RPL8: variants seen among roughly 807,000 people sequenced by gnomAD.
RPL8 encodes large ribosomal subunit protein uL2.
For synonymous variants in RPL8, 182 were observed against 143.2 expected (o/e 1.27, Z -1.94); for missense variants, 248 against 365.9 (o/e 0.68, Z 2.63).
At chr8:144,790,255 G>A in intron 4 of RPL8, 100 bp downstream of exon 4, 1 of 1,002,292 alleles carries the variant, frequency 1.0e-6, no homozygotes, top group South Asian at 1.4e-5. Context: ...TCCCACCGTA[G>A]ATCCCCCTCC....
intron 1 of RPL8, 38 bp downstream of exon 1, chr8:144,791,954 G>C: frequency 1.2e-6 from 2 of 1,609,974 alleles, no homozygotes; most frequent in Non-Finnish European, 1.7e-6. Context: ...TTCCGGCCGG[G>C]CGTCCCTTCC....
rs1393748725 is a variant in RPL8, at chr8:144,789,787, T to C, written c.*17A>G. On this transcript the variant is annotated 3_prime_UTR_variant, in exon 5 of 5. Transcript: ENST00000528957. ...AGCCAGGTGGCATAAACACAAACTT[T>C]ATTGAGGCCCTCAGCACTAGTTCTC... is the stretch of plus-strand genomic sequence containing the variant. The C allele has an allele frequency of 6.2e-7, 1 of 1,613,410 alleles. No individual in the cohort carries two copies. The highest frequency in any genetic ancestry group is 8.5e-7 in the Non-Finnish European group (1 of 1,179,798).
Position 144,789,980 on chromosome 8 carries a change from T to C in RPL8, c.616-18A>G. On this transcript the variant is annotated intron_variant, in intron 4 of 4. Transcript: ENST00000528957. The stretch of plus-strand genomic sequence containing the variant: ...TCCACAGGCTGCAGGCAGAGAAAGA[T>C]GGCTTTAGAAACCTCTTCCCCACCA... The C allele has an allele frequency of 4.4e-6, 7 of 1,596,534 alleles. No homozygotes were observed. The highest frequency in any genetic ancestry group is 5.1e-6 in the Non-Finnish European group (6 of 1,171,508).
Position 144,790,778 on chromosome 8 carries a change from T to C in RPL8, c.500-308A>G, listed in dbSNP as rs922571227. ...GGCCACTCAACCTGACGTAAGACAC[T>C]TGATTCAGCCTGCCCCATCTCAGCT... On this transcript the variant is annotated intron_variant, in intron 3 of 4. Coordinates refer to ENST00000528957, the MANE Select transcript of RPL8 (RefSeq NM_001317782.2). 6.6e-6 allele frequency: 4 copies of C among 609,252 alleles called. No homozygotes were observed. In the African/African-American group the frequency reaches 7.3e-5, roughly 11 times the overall value. The allele number at this position is 609,252 out of a possible 1,614,324, so 37.7% of individuals were successfully genotyped here.
rs1028730759 is a variant in RPL8, at chr8:144,792,269, C to T, written c.-140G>A. ...CCCTCTCCGCGGGCGCCCGCACCGG[C>T]ATCCTCTCAGGAGGGCCGGTCCGGG... On this transcript the variant is annotated 5_prime_UTR_variant, in exon 1 of 5. It removes an upstream start codon present in the reference 5' UTR. Coordinates refer to ENST00000528957, the MANE Select transcript of RPL8 (RefSeq NM_001317782.2). 14 of 1,251,598 alleles carry T rather than the reference C, an allele frequency of 1.1e-5. No individual in the cohort carries two copies. The African/African-American group carries it at 1.7e-4, about 16-fold the overall frequency. 77.5% of individuals were successfully genotyped at this position (1,251,598 alleles called of 1,614,324 possible).
At chr8:144,790,272 G>A in intron 4 of RPL8, 83 bp downstream of exon 4, 1 of 1,153,872 alleles carries the variant, frequency 8.7e-7, no homozygotes, top group Non-Finnish European at 1.3e-6. Context: ...CTCCTGCAGG[G>A]ACACCTGTGG....
rs566867535 is a variant in RPL8 at position 144,792,162 on chromosome 8, C to G, written c.-33G>C. The G allele has an allele frequency of 2.7e-6, 4 of 1,457,060 alleles. No individual in the cohort carries two copies. Among genetic ancestry groups the G allele is most frequent in the South Asian group, 2.8e-5 (2 of 70,840 alleles). 90.3% of individuals were successfully genotyped at this position (1,457,060 alleles called of 1,614,324 possible). A position where few individuals can be genotyped will look rare whatever the true frequency, so the allele number is the denominator to read the frequency against. On this transcript the variant is annotated 5_prime_UTR_variant, in exon 1 of 5. Coordinates refer to ENST00000528957, the MANE Select transcript of RPL8 (RefSeq NM_001317782.2). ...GGTCCTGGGGGCGACTCACGATTAG[C>G]GCGGCCGGGCGGCCCGGGTACCCCC...
intron 4 of RPL8, among the ~76,000 whole-genome samples, 189 bp from the exon 5 acceptor site, chr8:144,790,151 C>T (rs929700152): frequency 3.9e-5 from 6 of 152,296 alleles, no homozygotes; most frequent in South Asian, 2.1e-4. Context: ...CCGTTTCTTG[C>T]GGAGAAACGG....
Position 144,792,385 on chromosome 8 carries a change from A to G in RPL8, c.-256T>C. On this transcript the variant is annotated 5_prime_UTR_variant, in exon 1 of 5. Transcript: ENST00000528957. ...ACCTACCTGTTCACCAGCGCGGCCG[A>G]AAGAGGAAACACGGCGTCAGCGAGC... 1.5e-6 allele frequency: 1 copy of G among 669,892 alleles called. No individual in the cohort carries two copies. The highest frequency in any genetic ancestry group is 2.1e-6 in the Non-Finnish European group (1 of 476,304). 41.5% of individuals were successfully genotyped at this position (669,892 alleles called of 1,614,324 possible).
In RPL8 at chr8:144,792,130, G is replaced by C. The variant is rs752730892; in HGVS notation, c.-1C>G. The C allele has an allele frequency of 6.5e-7, 1 of 1,527,688 alleles. No homozygotes were observed. Among genetic ancestry groups the C allele is most frequent in the South Asian group, 1.2e-5 (1 of 81,622 alleles). The allele number at this position is 1,527,688 out of a possible 1,614,324, so 94.6% of individuals were successfully genotyped here. A position where few individuals can be genotyped will look rare whatever the true frequency, so the allele number is the denominator to read the frequency against. On this transcript the variant is annotated 5_prime_UTR_variant, in exon 1 of 5. Transcript: ENST00000528957. Reference sequence around the variant, plus strand: ...TCTGTCCACGGATCACACGGCCCATGGCGACGGGTCCTGGGGGCGACTCAC... The same window carrying C: ...TCTGTCCACGGATCACACGGCCCATCGCGACGGGTCCTGGGGGCGACTCAC...
intron 3 of RPL8, 87 bp downstream of exon 3, chr8:144,791,190 G>A (rs1826499272): frequency 3.0e-6 from 4 of 1,325,350 alleles, no homozygotes; most frequent in South Asian, 1.2e-5. Context: ...CGAATTCCAG[G>A]GACCAAGTCT....
chr8:144,790,327 C>T (rs1420744695), intron 4 of RPL8, 28 bp downstream of exon 4: 57 of 1,577,752 alleles, frequency 3.6e-5, no homozygotes, highest in Non-Finnish European at 4.8e-5. Context: ...AACTTCAATA[C>T]CCAACCCTGC....
Position 144,791,374 on chromosome 8 carries a change from G to T in RPL8, c.402C>A (p.Ala134=). The change falls in exon 3 of 5, where the codon GCC becomes GCA. Residue 134 remains alanine (A), a synonymous_variant. Transcript: ENST00000528957. ...GKLARASGNY[A]TVISHNPETK... ...TCTCAGGGTTGTGGGAGATAACGGT[G>T]GCATAGTTCCCTGATGCCCGGGCCA... 3.7e-6 allele frequency: 6 copies of T among 1,613,854 alleles called. No individual in the cohort carries two copies. Among genetic ancestry groups the T allele is most frequent in the Non-Finnish European group, 5.1e-6 (6 of 1,180,018 alleles).
chr8:144,792,055 G>A lies in RPL8; in HGVS notation c.75C>T (p.Gly25=), dbSNP rs762470566. Residue 25 remains glycine, a synonymous_variant, in exon 1 of 5, where the codon GGC becomes GGT. Coordinates refer to ENST00000528957, the MANE Select transcript of RPL8 (RefSeq NM_001317782.2). ...AATCCACGGCGCGCAGGCGCGCAGC[G>A]CCTTTACGGTGCTTCACGTGCGCGC... ...VFRAHVKHRK[G]AARLRAVDFA... is the part of the protein sequence containing the mutation. 6.8e-6 allele frequency: 11 copies of A among 1,608,154 alleles called. No individual in the cohort carries two copies. The highest frequency in any genetic ancestry group is 9.3e-6 in the Non-Finnish European group (11 of 1,178,234).
At position 144,792,009 on chromosome 8, in the gene RPL8, T is replaced by C. The variant is rs1426646650; in HGVS notation, c.121A>G (p.Ile41Val). The C allele has an allele frequency of 6.2e-7, 1 of 1,609,112 alleles. No individual in the cohort carries two copies. Among genetic ancestry groups the C allele is most frequent in the Admixed American group, 1.7e-5 (1 of 59,480 alleles). The change falls in exon 1 of 5, where the codon ATC becomes GTC. Residue 41 changes from isoleucine to valine, a missense_variant. Transcript: ENST00000528957. ...AVDFAERHGY[I>V]KGIVKDIIHD... ...TTCCGCACCTTGACGATGCCCTTGA[T>C]GTAGCCGTGCCGCTCAGCGAAATCC...
intron 2 of RPL8, 120 bp from the exon 3 acceptor site, chr8:144,791,615 C>CT: frequency 6.8e-7 from 1 of 1,472,298 alleles, no homozygotes. Context: ...CGGTACAACT[C>CT]TCTCGGCACC....
intron 3 of RPL8, 141 bp downstream of exon 3, chr8:144,791,136 T>G: frequency 1.4e-6 from 1 of 733,516 alleles, no homozygotes; most frequent in Non-Finnish European, 2.3e-6. Context: ...GACTACAGGA[T>G]GAGCTCAAAC....
Position 144,792,031 on chromosome 8 carries a change from A to G in RPL8, c.99T>C (p.Asp33=), listed in dbSNP as rs1826548558. ...TGATGTAGCCGTGCCGCTCAGCGAA[A>G]TCCACGGCGCGCAGGCGCGCAGCGC... ...RKGAARLRAV[D]FAERHGYIKG... is the part of the protein sequence containing the mutation. The change falls in exon 1 of 5, where the codon GAT becomes GAC. Residue 33 remains aspartate, a synonymous_variant. Coordinates refer to ENST00000528957, the MANE Select transcript of RPL8 (RefSeq NM_001317782.2). The G allele has an allele frequency of 6.2e-7, 1 of 1,609,402 alleles. No homozygotes were observed. The highest frequency in any genetic ancestry group is 8.5e-7 in the Non-Finnish European group (1 of 1,178,386).
chr8:144,791,521 G>T, intron 2 of RPL8, 26 bp from the exon 3 acceptor site: 1 of 1,608,262 alleles, frequency 6.2e-7, no homozygotes, highest in Non-Finnish European at 8.5e-7. Flanking sequence ...GCATCAGGCC[G>T]TCAGCACAGT....
Sources: allele counts gnomAD v4.1 joint callset (sites outside exome capture counted in the v4.1 genomes callset), GRCh38; gene constraint gnomAD v4.1.1; transcripts MANE v1.5; gene names NCBI Gene and HGNC (gene_info 2026-07-23, HGNC 2026-07-21).